The following F11R variants were observed in gnomAD, a reference collection of about 807,000 sequenced individuals.
The protein encoded by F11R is junctional adhesion molecule A.
Under a neutral mutation model 39.3 loss-of-function variants are expected in F11R, and 27 were observed. That is an observed-to-expected ratio of 0.69 (90% CI 0.51 to 0.95). The LOEUF is 0.95. Among genes scored for constraint, F11R ranks in the 40% least tolerant of loss-of-function variants. The pLI is 0.00. For missense variants in F11R, 335 were observed against 372.7 expected (o/e 0.90, Z 0.83); for synonymous variants, 131 against 144.9 (o/e 0.90, Z 0.69).
intron 1 of F11R, among the ~76,000 whole-genome samples, chr1:161,017,227 C>A (rs1001195066): frequency 2.6e-5 from 4 of 152,120 alleles, no homozygotes; most frequent in Non-Finnish European, 5.9e-5. Context: ...AAGGGAAAGA[C>A]CTGACTGTCC....
chr1:161,001,099 GC>G lies in F11R; in HGVS notation c.161del (p.Gly54AlafsTer34). On this transcript the variant is annotated frameshift_variant, in exon 3 of 10. Coordinates refer to ENST00000368026, the MANE Select transcript of F11R (RefSeq NM_016946.6). LOFTEE classifies it high-confidence loss of function. ...NPVKLSCAYS[G>X]FSSPRVEWKF... ...TCCACTCCACACGGGGAGAAGAAAA[GC>G]CCGAGTAGGCACAGGACAACTTCAC... The G allele has an allele frequency of 6.2e-7, 1 of 1,614,114 alleles. No individual in the cohort carries two copies. Among genetic ancestry groups the G allele is most frequent in the Non-Finnish European group, 8.5e-7 (1 of 1,180,028 alleles).
intron 1 of F11R, among the ~76,000 whole-genome samples, chr1:161,016,723 TCGTTTCCTAGTTC>T (rs1019934819): frequency 4.6e-5 from 7 of 151,770 alleles, no homozygotes; most frequent in African/African-American, 1.7e-4. Flanking sequence ...CCACTGCCAC[TCGTTTCCTAGTTC>T]CAGGTAGAAC....
chr1:160,999,467 G>A, intron 7 of F11R, 59 bp from the exon 8 acceptor site: 1 of 1,611,894 alleles, frequency 6.2e-7, no homozygotes, highest in Non-Finnish European at 8.5e-7. Flanking sequence ...CATGGCTTGG[G>A]AAGATGGAGG....
intron 1 of F11R, among the ~76,000 whole-genome samples, chr1:161,004,013 C>T (rs1317674211): frequency 2.0e-5 from 3 of 151,992 alleles, no homozygotes; most frequent in African/African-American, 7.3e-5. Context: ...ATCCACCCGC[C>T]CTGGCCTCCC....
chr1:161,004,754 GA>G (rs1002332567), intron 1 of F11R, among the ~76,000 whole-genome samples: 2 of 150,614 alleles, frequency 1.3e-5, no homozygotes, highest in African/African-American at 4.9e-5. Context: ...CTGTTTCTTA[GA>G]AAAACCATAG....
At chr1:161,016,135 C>T (rs757089962) in intron 1 of F11R, among the ~76,000 whole-genome samples, 1 of 151,546 alleles carries the variant, frequency 6.6e-6, no homozygotes. Flanking sequence ...GTCAGGAGTT[C>T]GAGACCAGCC....
chr1:161,004,889 G>A (rs1432849655), intron 1 of F11R, among the ~76,000 whole-genome samples: 2 of 151,900 alleles, frequency 1.3e-5, no homozygotes, highest in African/African-American at 4.8e-5. Context: ...GGCTGAGCAC[G>A]GTAGCTCACA....
intron 1 of F11R, among the ~76,000 whole-genome samples, chr1:161,017,622 C>T (rs980126601): frequency 8.5e-5 from 13 of 152,202 alleles, no homozygotes; most frequent in African/African-American, 1.7e-4. Context: ...GAAACACCCA[C>T]GAATGATCAA....
intron 4 of F11R, 55 bp from the exon 5 acceptor site, chr1:161,000,403 T>G: frequency 6.4e-7 from 1 of 1,563,326 alleles, no homozygotes; most frequent in Non-Finnish European, 8.8e-7. Flanking sequence ...TGCTTGAGTC[T>G]AAGTAACCAA....
chr1:161,005,253 G>A (rs996595919), intron 1 of F11R, among the ~76,000 whole-genome samples: 5 of 151,510 alleles, frequency 3.3e-5, no homozygotes, highest in African/African-American at 9.7e-5. Flanking sequence ...TTCTTCCTGA[G>A]GACACATAAG....
rs535718265 is a variant in F11R at position 160,996,848 on chromosome 1, G to C, written c.*2023C>G. 9 of 152,412 alleles carry C rather than the reference G, an allele frequency of 5.9e-5. No homozygotes were observed. Among genetic ancestry groups the C allele is most frequent in the Middle Eastern group, 3.4e-3 (1 of 294 alleles). 9.4% of individuals were successfully genotyped at this position (152,412 alleles called of 1,614,324 possible). ...TCATAAGCTCTACTTTATTTGTCTAGTTGGATTTCATTTCTTCTGGAAAAT... is the reference window on the plus strand; with the variant it reads ...TCATAAGCTCTACTTTATTTGTCTACTTGGATTTCATTTCTTCTGGAAAAT... On this transcript the variant is annotated 3_prime_UTR_variant, in exon 10 of 10. Transcript: ENST00000368026.
chr1:161,013,989 A>C (rs1449006059), intron 1 of F11R, among the ~76,000 whole-genome samples: 4 of 152,242 alleles, frequency 2.6e-5, no homozygotes, highest in Non-Finnish European at 5.9e-5. Flanking sequence ...GACTTTAGAC[A>C]GAAACCCTGC....
In F11R at chr1:160,999,969, G is replaced by T. The variant is rs144466757; in HGVS notation, c.601C>A (p.Pro201Thr). ...NPTTGELVFD[P>T]LSASDTGEYS... is the part of the protein sequence containing the mutation. ...TCTCCAGTATCAGAGGCTGACAGGGGATCAAAGACCTGAGGAAGGAAAACA... is the reference window on the plus strand; with the variant it reads ...TCTCCAGTATCAGAGGCTGACAGGGTATCAAAGACCTGAGGAAGGAAAACA... The change falls in exon 6 of 10, where the codon CCC becomes ACC. Residue 201 changes from proline to threonine, a missense_variant. By Grantham distance (38) the Pro-to-Thr change is conservative. Coordinates refer to ENST00000368026, the MANE Select transcript of F11R (RefSeq NM_016946.6). 1 of 1,614,054 alleles carries T rather than the reference G, an allele frequency of 6.2e-7. No homozygotes were observed. The highest frequency in any genetic ancestry group is 8.5e-7 in the Non-Finnish European group (1 of 1,179,964).
intron 1 of F11R, among the ~76,000 whole-genome samples, chr1:161,006,675 G>A (rs1305738287): frequency 1.3e-5 from 2 of 152,160 alleles, no homozygotes; most frequent in African/African-American, 4.8e-5. Flanking sequence ...CTCTGTTGCA[G>A]GATTAACTAC....
rs376207527 is a variant in F11R, at chr1:161,004,726, TAAGAA to T, written c.65-3378_65-3374del. Among the ~76,000 whole-genome samples the T allele has an allele frequency of 1.1e-3, 169 of 148,896 alleles. 2 individuals are homozygous for T. The South Asian group carries it at 0.025, about 22-fold the overall frequency. ...AGCAAGACCCTGTCTCTAAAAAACA[TAAGAA>T]AAGAAAACCGAGCTGTTTCTTAGAA... is the stretch of plus-strand genomic sequence containing the variant. On this transcript the variant is annotated intron_variant, in intron 1 of 9. Transcript: ENST00000368026.
rs1648308047 is a variant in F11R, at chr1:160,999,106, G to A, written c.816-15C>T. On this transcript the variant is annotated splice_polypyrimidine_tract_variant and intron_variant, in intron 8 of 9. Coordinates refer to ENST00000368026, the MANE Select transcript of F11R (RefSeq NM_016946.6). ...TACTCGAAGTCCTGTGAACAAGCCAGAAGACAGAGACACTCAGCCACCTAG... is the reference window on the plus strand; with the variant it reads ...TACTCGAAGTCCTGTGAACAAGCCAAAAGACAGAGACACTCAGCCACCTAG... 1 of 1,614,084 alleles carries A rather than the reference G, an allele frequency of 6.2e-7. No homozygotes were observed. Among genetic ancestry groups the A allele is most frequent in the Non-Finnish European group, 8.5e-7 (1 of 1,180,040 alleles).
chr1:161,012,598 A>ATTT lies in F11R; in HGVS notation c.64+8411_64+8412insAAA, dbSNP rs1491324841. 4.8e-4 allele frequency among the ~76,000 whole-genome samples: 48 copies of ATTT among 99,658 alleles called. 1 individual carries two copies. Among genetic ancestry groups the ATTT allele is most frequent in the East Asian group, 1.9e-3 (6 of 3,198 alleles). The allele number at this position is 99,658 out of a possible 152,430, so 65.4% of individuals were successfully genotyped here. A position where few individuals can be genotyped will look rare whatever the true frequency, so the allele number is the denominator to read the frequency against. ...TGCTTTTGTGTCGTTTGAATTAATT[A>ATTT]ATTTTATTTATTTATTTATTTATTT... On this transcript the variant is annotated intron_variant, in intron 1 of 9. Coordinates refer to ENST00000368026, the MANE Select transcript of F11R (RefSeq NM_016946.6).
At chr1:161,002,958 T>G (rs1199569206) in intron 1 of F11R, among the ~76,000 whole-genome samples, 12 of 82,854 alleles carry the variant, frequency 1.4e-4, no homozygotes, top group African/African-American at 9.6e-4. Flanking sequence ...ATTTATTTGT[T>G]TTTTTTTTTT....
chr1:161,016,425 G>A lies in F11R; in HGVS notation c.64+4585C>T, dbSNP rs558316667. Among the ~76,000 whole-genome samples the A allele has an allele frequency of 4.6e-4, 69 of 151,154 alleles. 2 individuals carry two copies. The Middle Eastern group carries it at 0.031, about 68-fold the overall frequency. ...CGGGAGGTGGAGTTTGCAGTGAGCC[G>A]AGATCGTGCCACTGTACTCCAGCCT... On this transcript the variant is annotated intron_variant, in intron 1 of 9. Coordinates refer to ENST00000368026, the MANE Select transcript of F11R (RefSeq NM_016946.6).
Sources: allele counts gnomAD v4.1 joint callset (sites outside exome capture counted in the v4.1 genomes callset), GRCh38; gene constraint gnomAD v4.1.1; transcripts MANE v1.5; gene names NCBI Gene and HGNC (gene_info 2026-07-23, HGNC 2026-07-21).